The following DENND5B variants were observed in gnomAD, a reference collection of about 807,000 sequenced individuals.
DENND5B encodes the protein DENN domain containing 5B.
DENND5B carries 34 observed loss-of-function variants against 140.6 expected under a neutral mutation model. The ratio of observed to expected loss-of-function variants is 0.24; its 90% confidence interval spans 0.18 to 0.32. DENND5B has a LOEUF of 0.32. Among genes scored for constraint, DENND5B ranks in the 10% least tolerant of loss-of-function variants. The pLI, the probability that DENND5B is intolerant of heterozygous loss-of-function variation, is 1.00. For missense variants in DENND5B, 1,142 were observed against 1,560.2 expected, an observed-to-expected ratio of 0.73 and a Z score of 4.52; for synonymous variants, 551 against 562.1, an observed-to-expected ratio of 0.98 and a Z score of 0.28.
intron 8 of DENND5B, among the ~76,000 whole-genome samples, chr12:31,427,498 C>T (rs949527118): frequency 6.6e-6 from 1 of 151,440 alleles, no homozygotes; most frequent in Non-Finnish European, 1.5e-5. Context: ...CCCAGCTACT[C>T]GGGAGGCTGA....
At chr12:31,450,613 T>A (rs1300865495) in intron 5 of DENND5B, among the ~76,000 whole-genome samples, 4 of 152,006 alleles carry the variant, frequency 2.6e-5, no homozygotes, top group Admixed American at 6.6e-5. Flanking sequence ...AGCCTCAACC[T>A]CCTAGTGTTG....
At chr12:31,465,521 C>G (rs977321266) in intron 3 of DENND5B, 2 of 152,282 alleles carry the variant, frequency 1.3e-5, no homozygotes, top group Admixed American at 6.5e-5. Context: ...GTGCACACCA[C>G]CATGCCTGGC....
At chr12:31,495,061 G>A (rs964325677) in intron 2 of DENND5B, among the ~76,000 whole-genome samples, 2 of 151,922 alleles carry the variant, frequency 1.3e-5, no homozygotes, top group Non-Finnish European at 2.9e-5. Context: ...CCTAAATAAC[G>A]CAATTAAGTT....
intron 3 of DENND5B, chr12:31,465,683 T>A (rs1945234120): frequency 6.6e-6 from 1 of 152,232 alleles, no homozygotes; most frequent in African/African-American, 2.4e-5. Flanking sequence ...CTGAGCATTA[T>A]CTGAATTATG....
At chr12:31,558,708 C>T (rs552996660) in intron 1 of DENND5B, among the ~76,000 whole-genome samples, 10 of 152,194 alleles carry the variant, frequency 6.6e-5, no homozygotes, top group Admixed American at 2.0e-4. Flanking sequence ...TTGCCTCCTC[C>T]TAAAGGACTG....
At chr12:31,458,085 G>A (rs954091904) in intron 4 of DENND5B, among the ~76,000 whole-genome samples, 6 of 152,160 alleles carry the variant, frequency 3.9e-5, no homozygotes, top group Non-Finnish European at 5.9e-5. Flanking sequence ...ATGAGTATAC[G>A]TATTTATTAA....
chr12:31,479,875 T>C lies in DENND5B; in HGVS notation c.618A>G (p.Lys206=). The change falls in exon 3 of 21, where the codon AAA becomes AAG. Residue 206 remains lysine, a synonymous_variant. Coordinates refer to ENST00000389082, the MANE Select transcript of DENND5B (RefSeq NM_144973.4). ...TPLPFMQACK[K]FLIQLYKAVT... is the part of the protein sequence containing the mutation. ...CAGCCTTGTAAAGCTGGATAAGGAATTTCTTGCAGGCCTGCATGAATGGTA... is the reference window on the plus strand; with the variant it reads ...CAGCCTTGTAAAGCTGGATAAGGAACTTCTTGCAGGCCTGCATGAATGGTA... 6.2e-7 allele frequency: 1 copy of C among 1,613,950 alleles called. No individual in the cohort carries two copies. Among genetic ancestry groups the C allele is most frequent in the Non-Finnish European group, 8.5e-7 (1 of 1,179,832 alleles).
chr12:31,508,493 C>A (rs1025706997), intron 1 of DENND5B, among the ~76,000 whole-genome samples: 5 of 152,108 alleles, frequency 3.3e-5, no homozygotes, highest in Non-Finnish European at 5.9e-5. Flanking sequence ...AATAGACTAT[C>A]CTGTTTCATG....
At chr12:31,529,205 G>C (rs1160762224) in intron 1 of DENND5B, among the ~76,000 whole-genome samples, 1 of 151,448 alleles carries the variant, frequency 6.6e-6, no homozygotes, top group African/African-American at 2.4e-5. Context: ...TGAGGTATTG[G>C]ATGAGATAAC....
chr12:31,414,319 G>C (rs966170708), intron 12 of DENND5B, among the ~76,000 whole-genome samples: 1 of 152,154 alleles, frequency 6.6e-6, no homozygotes, highest in African/African-American at 2.4e-5. Flanking sequence ...CAATAAATCT[G>C]TGTTAGATAT....
intron 7 of DENND5B, among the ~76,000 whole-genome samples, chr12:31,437,727 G>A (rs935810790): frequency 5.9e-5 from 9 of 152,010 alleles, no homozygotes; most frequent in African/African-American, 2.2e-4. Flanking sequence ...ACAGTAGAGG[G>A]TAGTATACAA....
At chr12:31,482,685 C>T (rs1173348740) in intron 2 of DENND5B, among the ~76,000 whole-genome samples, 2 of 151,868 alleles carry the variant, frequency 1.3e-5, no homozygotes, top group African/African-American at 4.8e-5. Context: ...TAAAAGCAAT[C>T]CTCCCGCCTC....
At chr12:31,457,558 T>G (rs1432415729) in intron 4 of DENND5B, among the ~76,000 whole-genome samples, 1 of 152,186 alleles carries the variant, frequency 6.6e-6, no homozygotes, top group African/African-American at 2.4e-5. Flanking sequence ...TTTTTTTAAA[T>G]GACTATTTTT....
chr12:31,434,541 TA>T (rs1463921848), intron 7 of DENND5B, among the ~76,000 whole-genome samples: 1 of 152,132 alleles, frequency 6.6e-6, no homozygotes, highest in Non-Finnish European at 1.5e-5. Flanking sequence ...ATGAGGGGCT[TA>T]AAAATATATA....
At chr12:31,542,988 T>C (rs904087945) in intron 1 of DENND5B, among the ~76,000 whole-genome samples, 4 of 152,030 alleles carry the variant, frequency 2.6e-5, no homozygotes, top group African/African-American at 9.7e-5. Context: ...AAAAATGTTG[T>C]AGTGAGACAA....
In DENND5B at chr12:31,454,534, C is replaced by T. The variant is rs373279335; in HGVS notation, c.1093-2058G>A. Among the ~76,000 whole-genome samples, 16 of 151,954 alleles carry T rather than the reference C, an allele frequency of 1.1e-4. 1 individual carries two copies. In the East Asian group the frequency reaches 3.1e-3, roughly 29 times the overall value. The stretch of plus-strand genomic sequence containing the variant: ...TCTCAGCTCACTGCAAACTCTGCCT[C>T]CTGGGTTCGAGCAATTGTCTGCCTC... On this transcript the variant is annotated intron_variant, in intron 4 of 20. Transcript: ENST00000389082.
In DENND5B at chr12:31,415,396, C is replaced by T. The variant is rs751312384; in HGVS notation, c.2523G>A (p.Thr841=). ...RKSDSGVMLP[T]LRVSLIQDMR... is the part of the protein sequence containing the mutation. The stretch of plus-strand genomic sequence containing the variant: ...TGTCCTGAATAAGAGAGACCCTGAG[C>T]GTTGGCAACATAACTCCTGAGTCAG... Residue 841 remains threonine, a synonymous_variant, in exon 12 of 21, where the codon ACG becomes ACA. Coordinates refer to ENST00000389082, the MANE Select transcript of DENND5B (RefSeq NM_144973.4). The T allele has an allele frequency of 7.0e-5, 113 of 1,610,152 alleles. No individual in the cohort carries two copies. Among genetic ancestry groups the T allele is most frequent in the Non-Finnish European group, 8.5e-5 (100 of 1,178,046 alleles).
chr12:31,412,496 A>G (rs1942513700), intron 13 of DENND5B, among the ~76,000 whole-genome samples: 1 of 152,140 alleles, frequency 6.6e-6, no homozygotes, highest in South Asian at 2.1e-4. Flanking sequence ...CATAACCTAG[A>G]TCCCTCACAT....
chr12:31,486,897 T>C (rs979455772), intron 2 of DENND5B, among the ~76,000 whole-genome samples: 9 of 152,244 alleles, frequency 5.9e-5, no homozygotes, highest in Admixed American at 2.0e-4. Context: ...TGTAAACATA[T>C]GTACATTATA....
Sources: gnomAD v4.1 joint callset for allele counts (sites outside exome capture counted in the v4.1 genomes callset) on GRCh38, gnomAD v4.1.1 for gene constraint, MANE v1.5 for transcripts, NCBI Gene and HGNC (gene_info 2026-07-23, HGNC 2026-07-21) for gene names.